PRR5: variants seen among roughly 807,000 people sequenced by gnomAD.
PRR5 encodes proline rich 5.
A neutral mutation model predicts 30.6 loss-of-function variants in PRR5; 25 were observed. The observed-to-expected ratio is 0.82, with a 90% CI of 0.60 to 1.14. The LOEUF (loss-of-function observed/expected upper bound fraction) is 1.14. PRR5 is among the 50% of genes most tolerant of loss of function. The pLI, the probability that PRR5 is intolerant of heterozygous loss-of-function variation, is 0.00. For missense variants in PRR5, 600 were observed against 547.1 expected, an observed-to-expected ratio of 1.10 and a Z score of -0.96; for synonymous variants, 286 against 247.1, an observed-to-expected ratio of 1.16 and a Z score of -1.48.
chr22:44,728,148 G>A (rs1921208951), intron 4 of PRR5, among the ~76,000 whole-genome samples: 1 of 152,162 alleles, frequency 6.6e-6, no homozygotes, highest in Non-Finnish European at 1.5e-5. Flanking sequence ...CAGCAGAAGG[G>A]GCAGAGGACA....
intron 6 of PRR5, among the ~76,000 whole-genome samples, chr22:44,733,399 C>G (rs1219666387): frequency 1.3e-5 from 2 of 152,252 alleles, no homozygotes; most frequent in Middle Eastern, 3.2e-3. Context: ...CTCGCAGGTG[C>G]AAAGCCCTCT....
chr22:44,698,639 A>G (rs1925980863), upstream of PRR5, among the ~76,000 whole-genome samples: 1 of 152,158 alleles, frequency 6.6e-6, no homozygotes, highest in South Asian at 2.1e-4. Context: ...GCCTGCTGGC[A>G]GGGGCAGTAG....
intron 1 of PRR5, among the ~76,000 whole-genome samples, chr22:44,703,783 C>G (rs1382769885): frequency 6.6e-6 from 1 of 152,040 alleles, no homozygotes; most frequent in Non-Finnish European, 1.5e-5. Context: ...TTTGGGAGGC[C>G]AAGATGGGAG....
At chr22:44,669,108 C>G (rs1222724042) in intron 1 of PRR5, among the ~76,000 whole-genome samples, 1 of 149,056 alleles carries the variant, frequency 6.7e-6, no homozygotes, top group African/African-American at 2.5e-5. Flanking sequence ...CTCTCTCGCT[C>G]GCCCCCCGCC....
At chr22:44,686,034 C>A (rs1189289040) in intron 1 of PRR5, among the ~76,000 whole-genome samples, 1 of 152,092 alleles carries the variant, frequency 6.6e-6, no homozygotes, top group Non-Finnish European at 1.5e-5. Context: ...GCAGGCAAAT[C>A]CCCTGAGGTC....
At chr22:44,703,807 AG>A (rs1218691067) in intron 1 of PRR5, among the ~76,000 whole-genome samples, 2 of 152,136 alleles carry the variant, frequency 1.3e-5, no homozygotes, top group African/African-American at 4.8e-5. Flanking sequence ...TACTTGAGCC[AG>A]GGAAGTCGAG....
At chr22:44,706,366 C>T (rs1333088398) in intron 1 of PRR5, among the ~76,000 whole-genome samples, 1 of 152,158 alleles carries the variant, frequency 6.6e-6, no homozygotes, top group Non-Finnish European at 1.5e-5. Flanking sequence ...GCTTAGAGTT[C>T]CCAGAGGGAG....
intron 1 of PRR5, among the ~76,000 whole-genome samples, chr22:44,710,842 G>A (rs1602021533): frequency 6.6e-6 from 1 of 152,166 alleles, no homozygotes; most frequent in Non-Finnish European, 1.5e-5. Context: ...AGGTGTGGTA[G>A]ATACAAGCCT....
At chr22:44,685,101 G>A (rs1045953838) in intron 1 of PRR5, among the ~76,000 whole-genome samples, 17 of 152,162 alleles carry the variant, frequency 1.1e-4, no homozygotes, top group Admixed American at 2.0e-4. Flanking sequence ...GCTTTCCCTC[G>A]GAGCCTCTGG....
chr22:44,669,805 T>A (rs1163393268), intron 1 of PRR5, among the ~76,000 whole-genome samples: 1 of 151,930 alleles, frequency 6.6e-6, no homozygotes, highest in Admixed American at 6.6e-5. Context: ...AGCTGCAAGG[T>A]GATGAGTGAT....
intron 1 of PRR5, among the ~76,000 whole-genome samples, chr22:44,712,249 C>T (rs1275754512): frequency 6.6e-6 from 1 of 152,218 alleles, no homozygotes; most frequent in Non-Finnish European, 1.5e-5. Context: ...CACCCCAGGC[C>T]AGGGATACGT....
In PRR5 at chr22:44,681,401, A is replaced by G. The variant is rs2146944405; in HGVS notation, c.-11+4161A>G. Reference sequence around the variant, plus strand: ...TCAGCAGTTTGAGACCAGCCTGGCCAACATGGTGAAACCCTGTCTCTACTA... The same window carrying G: ...TCAGCAGTTTGAGACCAGCCTGGCCGACATGGTGAAACCCTGTCTCTACTA... On this transcript the variant is annotated intron_variant, in intron 1 of 8. Transcript: ENST00000006251. Among the ~76,000 whole-genome samples, 4 of 152,292 alleles carry G rather than the reference A, an allele frequency of 2.6e-5. No homozygotes were observed. The South Asian group carries it at 8.3e-4, about 32-fold the overall frequency.
intron 4 of PRR5, chr22:44,730,252 C>A: frequency 1.0e-6 from 1 of 985,032 alleles, no homozygotes; most frequent in Non-Finnish European, 1.2e-6. Flanking sequence ...CAGTTCTGGC[C>A]GGGGGCGCAG....
chr22:44,732,173 G>C (rs963669955), intron 5 of PRR5, 78 bp from the exon 6 acceptor site: 13 of 1,573,666 alleles, frequency 8.3e-6, no homozygotes, highest in Non-Finnish European at 1.0e-5. Context: ...TTCCCCCTGT[G>C]GGGTCCCAGG....
chr22:44,702,130 C>T (rs1025858209), upstream of PRR5: 5 of 213,178 alleles, frequency 2.3e-5, no homozygotes, highest in Admixed American at 6.3e-5. Context: ...GCCCGCGATG[C>T]CCCCGCCCCC....
At chr22:44,668,869 GGCGGCACGC>G (rs1490029717) in intron 1 of PRR5, 1 of 149,706 alleles carries the variant, frequency 6.7e-6, no homozygotes, top group Non-Finnish European at 1.5e-5. Context: ...GGGGTTGGGG[GGCGGCACGC>G]GCGACCCTGC....
intron 1 of PRR5, among the ~76,000 whole-genome samples, chr22:44,709,320 A>C (rs1418217414): frequency 6.6e-6 from 1 of 152,144 alleles, no homozygotes; most frequent in South Asian, 2.1e-4. Flanking sequence ...GGACTTTGTA[A>C]TCACAAGGGT....
chr22:44,695,923 CTTTTTTTTTT>C (rs79228617), intron 1 of PRR5, among the ~76,000 whole-genome samples: 1 of 73,344 alleles, frequency 1.4e-5, no homozygotes, highest in Non-Finnish European at 2.4e-5. Context: ...ATTCTGACAA[CTTTTTTTTTT>C]TTTTTTTTTT....
At chr22:44,729,470 A>G in intron 4 of PRR5, 1 of 985,566 alleles carries the variant, frequency 1.0e-6, no homozygotes, top group Non-Finnish European at 1.2e-6. Context: ...GGCTGGAGCC[A>G]AGGTACGGCG....
Sources: allele counts gnomAD v4.1 joint callset (sites outside exome capture counted in the v4.1 genomes callset), GRCh38; gene constraint gnomAD v4.1.1; transcripts MANE v1.5; gene names NCBI Gene and HGNC (gene_info 2026-07-23, HGNC 2026-07-21).